DCLRE1C: variants seen among roughly 807,000 people sequenced by gnomAD.
DCLRE1C encodes the protein DNA cross-link repair 1C, also known as protein artemis.
A neutral mutation model predicts 61.4 loss-of-function variants in DCLRE1C; 47 were observed. The ratio of observed to expected loss-of-function variants is 0.77; its 90% CI spans 0.61 to 0.98. The LOEUF is 0.98. DCLRE1C is among the 50% of genes least tolerant of loss of function. DCLRE1C has a pLI of 0.00. For missense variants in DCLRE1C, 858 were observed against 816.0 expected (o/e 1.05, Z -0.63); for synonymous variants, 337 against 287.6 (o/e 1.17, Z -1.74).
intron 9 of DCLRE1C, 59 bp from the exon 10 acceptor site, chr10:14,928,211 G>C (rs1838348387): frequency 2.7e-6 from 4 of 1,508,652 alleles, no homozygotes; most frequent in Non-Finnish European, 3.6e-6. Context: ...TCTGTTGTAG[G>C]CAGAGTCTCA....
In DCLRE1C at chr10:14,951,382, C is replaced by G. The variant is rs534434178; in HGVS notation, c.110-2295G>C. ...TCCAGCCTGGGTGACAGAGCAAAAC[C>G]CTGTCTCAAAAAAAAAAAAAAAAAA... On this transcript the variant is annotated intron_variant, in intron 1 of 13. Transcript: ENST00000378278. Among the ~76,000 whole-genome samples, 3 of 87,622 alleles carry G rather than the reference C, an allele frequency of 3.4e-5. No homozygotes were observed. In the South Asian group the frequency reaches 1.3e-3, roughly 39 times the overall value. The allele number at this position is 87,622 out of a possible 152,430, so 57.5% of individuals were successfully genotyped here.
intron 13 of DCLRE1C, among the ~76,000 whole-genome samples, chr10:14,911,506 G>T (rs1254190532): frequency 1.3e-5 from 2 of 152,156 alleles, no homozygotes; most frequent in African/African-American, 4.8e-5. Context: ...GAAGCAGGAA[G>T]ATACAGTCAA....
intron 13 of DCLRE1C, among the ~76,000 whole-genome samples, chr10:14,912,848 A>AT (rs780031393): frequency 6.6e-6 from 1 of 151,754 alleles, no homozygotes; most frequent in African/African-American, 2.4e-5. Flanking sequence ...CACCTGGCTA[A>AT]TTTTTTGTGT....
At chr10:14,941,774 G>A (rs1218840641) in intron 3 of DCLRE1C, among the ~76,000 whole-genome samples, 1 of 152,018 alleles carries the variant, frequency 6.6e-6, no homozygotes, top group Admixed American at 6.6e-5. Context: ...AGTGTCATGA[G>A]CACCCCCCAA....
chr10:14,924,381 C>T (rs142837735), intron 11 of DCLRE1C, among the ~76,000 whole-genome samples: 1 of 152,362 alleles, frequency 6.6e-6, no homozygotes, highest in East Asian at 1.9e-4. Context: ...GTCACTATTC[C>T]TCAAAACATC....
intron 3 of DCLRE1C, among the ~76,000 whole-genome samples, 197 bp downstream of exon 3, chr10:14,944,908 C>T (rs542681237): frequency 1.3e-5 from 2 of 151,900 alleles, no homozygotes; most frequent in Non-Finnish European, 2.9e-5. Flanking sequence ...CTCCTGACCT[C>T]AAGTGATCCA....
In DCLRE1C at chr10:14,946,758, C is replaced by T. The variant is rs41296344; in HGVS notation, c.162-1569G>A. On this transcript the variant is annotated intron_variant, in intron 2 of 13. Transcript: ENST00000378278. ...TCAGCAGCCTGAGCACCTGGGACTA[C>T]AGCACATGCCACCACACCTGGCTCA... Among the ~76,000 whole-genome samples the T allele has an allele frequency of 2.1e-3, 325 of 152,152 alleles. 1 individual carries two copies. Among genetic ancestry groups the T allele is most frequent in the Admixed American group, 4.6e-3 (71 of 15,280 alleles).
At chr10:14,948,405 G>A (rs770240140) in intron 2 of DCLRE1C, among the ~76,000 whole-genome samples, 1 of 152,148 alleles carries the variant, frequency 6.6e-6, no homozygotes, top group African/African-American at 2.4e-5. Flanking sequence ...TGCAAGAGAA[G>A]CATCTAACAG....
intron 13 of DCLRE1C, among the ~76,000 whole-genome samples, chr10:14,914,759 C>G (rs187101468): frequency 2.6e-5 from 4 of 152,114 alleles, no homozygotes; most frequent in South Asian, 2.1e-4. Flanking sequence ...GCCAACATGG[C>G]AAAACCCTGT....
At chr10:14,923,278 A>G (rs1457946027) in intron 11 of DCLRE1C, 2 of 549,200 alleles carry the variant, frequency 3.6e-6, no homozygotes, top group African/African-American at 1.9e-5. Context: ...AACACTGAGT[A>G]CTAGTGGGCC....
In DCLRE1C at chr10:14,936,326, CTTTTTT is replaced by C. The variant is rs201889030; in HGVS notation, c.362+206_362+211del. On this transcript the variant is annotated intron_variant, in intron 5 of 13. Transcript: ENST00000378278. ...ATCTCCCTCTATGTATTCTTTCTTT[CTTTTTT>C]TTTTTTTTTTTAAAAAAAAAACTCA... Among the ~76,000 whole-genome samples the C allele has an allele frequency of 7.3e-5, 10 of 137,248 alleles. No homozygotes were observed. The South Asian group carries it at 2.3e-3, about 31-fold the overall frequency. 90.0% of individuals were successfully genotyped at this position (137,248 alleles called of 152,430 possible).
intron 12 of DCLRE1C, among the ~76,000 whole-genome samples, 173 bp downstream of exon 12, chr10:14,922,808 A>G (rs1272855276): frequency 6.6e-6 from 1 of 152,198 alleles, no homozygotes; most frequent in Non-Finnish European, 1.5e-5. Flanking sequence ...ACCTTCTGCC[A>G]CACTGTGGAA....
chr10:14,938,443 T>C (rs1225491681), intron 4 of DCLRE1C, among the ~76,000 whole-genome samples: 3 of 152,124 alleles, frequency 2.0e-5, no homozygotes, highest in South Asian at 2.1e-4. Context: ...TGTCTGATCT[T>C]CACCAAAGAA....
chr10:14,910,033 G>A (rs557956283), intron 13 of DCLRE1C, among the ~76,000 whole-genome samples: 2 of 152,282 alleles, frequency 1.3e-5, no homozygotes, highest in African/African-American at 4.8e-5. Context: ...AAAGTTAAAT[G>A]CACCCAAGAC....
chr10:14,948,956 G>T, intron 2 of DCLRE1C, 80 bp downstream of exon 2: 1 of 962,914 alleles, frequency 1.0e-6, no homozygotes, highest in Non-Finnish European at 1.7e-6. Context: ...CTATATGCTT[G>T]GATGTATATA....
rs763511448 is a variant in DCLRE1C, at chr10:14,954,047, G to T, written c.-37C>A. 20 of 1,612,714 alleles carry T rather than the reference G, an allele frequency of 1.2e-5. No individual in the cohort carries two copies. The highest frequency in any genetic ancestry group is 3.3e-5 in the South Asian group (3 of 91,060). On this transcript the variant is annotated 5_prime_UTR_variant, in exon 1 of 14. Transcript: ENST00000378278. ...TCCCAGAGTCCGGGACCCCAAAACC[G>T]CAGCTGAAGCCAAGGCCAGCCCTGA...
intron 9 of DCLRE1C, among the ~76,000 whole-genome samples, chr10:14,929,080 C>A (rs557252053): frequency 1.2e-4 from 18 of 152,138 alleles, no homozygotes; most frequent in Admixed American, 7.2e-4. Flanking sequence ...GGGCCCAGAC[C>A]CTTGTACCAG....
At chr10:14,943,701 G>A (rs1447492569) in intron 3 of DCLRE1C, among the ~76,000 whole-genome samples, 4 of 151,980 alleles carry the variant, frequency 2.6e-5, no homozygotes, top group Admixed American at 6.6e-5. Flanking sequence ...TACAGGCACC[G>A]CCACCACACC....
intron 9 of DCLRE1C, among the ~76,000 whole-genome samples, chr10:14,931,860 G>A (rs543101996): frequency 7.2e-5 from 11 of 152,122 alleles, no homozygotes; most frequent in Admixed American, 2.0e-4. Flanking sequence ...CCAACATGGC[G>A]AAACCCCATC....
Sources: gnomAD v4.1 joint callset for allele counts (sites outside exome capture counted in the v4.1 genomes callset) on GRCh38, gnomAD v4.1.1 for gene constraint, MANE v1.5 for transcripts, NCBI Gene and HGNC (gene_info 2026-07-23, HGNC 2026-07-21) for gene names.